The following ZEB1 variants were observed in gnomAD, a reference collection of about 807,000 sequenced individuals.
ZEB1 encodes zinc finger E-box-binding homeobox 1.
A neutral mutation model predicts 84.9 loss-of-function variants in ZEB1; 21 were observed. The ratio of observed to expected loss-of-function variants is 0.25; its 90% CI spans 0.18 to 0.36. ZEB1 has a LOEUF of 0.36. ZEB1 is among the 10% of genes least tolerant of loss of function. The pLI, the probability that ZEB1 is intolerant of heterozygous loss-of-function variation, is 1.00. For missense variants in ZEB1, 1,104 were observed against 1,330.2 expected (o/e 0.83, Z 2.65); for synonymous variants, 420 against 471.1 (o/e 0.89, Z 1.41).
chr10:31,486,360 A>ACTTTCT (rs1193963477), intron 2 of ZEB1, among the ~76,000 whole-genome samples: 7 of 151,850 alleles, frequency 4.6e-5, no homozygotes, highest in Admixed American at 2.0e-4. Context: ...GAGATGATCC[A>ACTTTCT]CTTTCTCTAC....
At chr10:31,435,916 A>G (rs2058244169) in intron 1 of ZEB1, among the ~76,000 whole-genome samples, 2 of 152,186 alleles carry the variant, frequency 1.3e-5, no homozygotes, top group South Asian at 4.1e-4. Flanking sequence ...GGCGGAAGCA[A>G]ACTAGTGGCA....
In ZEB1 at chr10:31,417,454, GC is replaced by G. The variant is rs559947421; in HGVS notation, c.59-43582del. Among the ~76,000 whole-genome samples the G allele has an allele frequency of 5.0e-4, 76 of 152,178 alleles. 2 individuals carry two copies. In the East Asian group the frequency reaches 0.014, roughly 28 times the overall value. On this transcript the variant is annotated intron_variant, in intron 1 of 8. Coordinates refer to ENST00000424869, the MANE Select transcript of ZEB1 (RefSeq NM_001174096.2). Reference sequence around the variant, plus strand: ...ATCCTGAGAGTATCTAGAGGAAATTGCGTATTCTGGTTAATGAGTGGCTTAT... The same window carrying G: ...ATCCTGAGAGTATCTAGAGGAAATTGGTATTCTGGTTAATGAGTGGCTTAT...
In ZEB1 at chr10:31,523,196, G is replaced by A. The variant is rs112971368; in HGVS notation, c.2605-737G>A. Among the ~76,000 whole-genome samples the A allele has an allele frequency of 1.2e-3, 186 of 152,316 alleles. 1 individual carries two copies. The highest frequency in any genetic ancestry group is 4.1e-3 in the African/African-American group (170 of 41,588). Reference sequence around the variant, plus strand: ...CTCTAGATAAGGTAGGAAGATCTTAGGGGACCCAGTTCCACAACAGGCTCC... The same window carrying A: ...CTCTAGATAAGGTAGGAAGATCTTAAGGGACCCAGTTCCACAACAGGCTCC... On this transcript the variant is annotated intron_variant, in intron 7 of 8. Transcript: ENST00000424869.
At chr10:31,469,801 T>C (rs2062953390) in intron 2 of ZEB1, among the ~76,000 whole-genome samples, 1 of 152,182 alleles carries the variant, frequency 6.6e-6, no homozygotes, top group Non-Finnish European at 1.5e-5. Context: ...CTCTGCAGAC[T>C]TAAATGTCCC....
chr10:31,428,178 T>C (rs1321352319), intron 1 of ZEB1, among the ~76,000 whole-genome samples: 1 of 152,214 alleles, frequency 6.6e-6, no homozygotes, highest in East Asian at 1.9e-4. Context: ...ACTCGAGATC[T>C]ATCTTTTCGA....
intron 2 of ZEB1, among the ~76,000 whole-genome samples, chr10:31,462,662 G>T (rs541453949): frequency 6.6e-6 from 1 of 152,250 alleles, no homozygotes; most frequent in East Asian, 1.9e-4. Context: ...TGAGATCAGA[G>T]AAGTAAACAA....
At chr10:31,364,666 C>T (rs1441996547) in intron 1 of ZEB1, among the ~76,000 whole-genome samples, 1 of 152,208 alleles carries the variant, frequency 6.6e-6, no homozygotes, top group Non-Finnish European at 1.5e-5. Flanking sequence ...ACATGCCTCC[C>T]TGGCAGGCAG....
chr10:31,523,230 T>C (rs1413953662), intron 7 of ZEB1, among the ~76,000 whole-genome samples: 1 of 152,168 alleles, frequency 6.6e-6, no homozygotes, highest in Non-Finnish European at 1.5e-5. Flanking sequence ...CCCTGCAGGG[T>C]TATTTGGCTT....
intron 2 of ZEB1, among the ~76,000 whole-genome samples, chr10:31,489,835 G>GTC (rs1402808646): frequency 5.3e-5 from 8 of 151,154 alleles, no homozygotes; most frequent in Non-Finnish European, 1.0e-4. Flanking sequence ...CATTCCAAGT[G>GTC]TCCCTCATTT....
intron 1 of ZEB1, among the ~76,000 whole-genome samples, chr10:31,385,988 A>G (rs1257772122): frequency 1.3e-5 from 2 of 152,188 alleles, no homozygotes; most frequent in Non-Finnish European, 2.9e-5. Context: ...ATACGAAAAT[A>G]CATAAGGAAA....
At chr10:31,517,176 T>C (rs2071301944) in intron 6 of ZEB1, among the ~76,000 whole-genome samples, 1 of 152,016 alleles carries the variant, frequency 6.6e-6, no homozygotes, top group African/African-American at 2.4e-5. Context: ...TAACTTTCTT[T>C]TCACATGACT....
chr10:31,343,412 C>T (rs183722517), intron 1 of ZEB1, among the ~76,000 whole-genome samples: 1 of 152,106 alleles, frequency 6.6e-6, no homozygotes, highest in East Asian at 1.9e-4. Flanking sequence ...TATAAAAATC[C>T]AGCAATCCAT....
At chr10:31,335,873 T>G (rs906362562) in intron 1 of ZEB1, among the ~76,000 whole-genome samples, 1 of 152,204 alleles carries the variant, frequency 6.6e-6, no homozygotes, top group Non-Finnish European at 1.5e-5. Context: ...CACAGATGAA[T>G]TACTCAAAGT....
intron 2 of ZEB1, among the ~76,000 whole-genome samples, chr10:31,462,823 C>T (rs2061966546): frequency 1.3e-5 from 2 of 152,034 alleles, no homozygotes; most frequent in Non-Finnish European, 2.9e-5. Flanking sequence ...GAGGTAGTGT[C>T]TTCAACGAGA....
intron 1 of ZEB1, among the ~76,000 whole-genome samples, chr10:31,412,981 C>T (rs1354687632): frequency 6.6e-6 from 1 of 152,100 alleles, no homozygotes; most frequent in African/African-American, 2.4e-5. Flanking sequence ...TTTAAAGACT[C>T]ATATATTTAG....
At chr10:31,473,050 G>C (rs1260034969) in intron 2 of ZEB1, among the ~76,000 whole-genome samples, 1 of 144,946 alleles carries the variant, frequency 6.9e-6, no homozygotes, top group Non-Finnish European at 1.5e-5. Flanking sequence ...GTATTGATGG[G>C]ACGTATTTCA....
At chr10:31,368,759 C>T (rs1001944400) in intron 1 of ZEB1, among the ~76,000 whole-genome samples, 1 of 151,990 alleles carries the variant, frequency 6.6e-6, no homozygotes, top group African/African-American at 2.4e-5. Context: ...ATTTTGTTCC[C>T]TTTTAGTTCA....
intron 1 of ZEB1, among the ~76,000 whole-genome samples, chr10:31,456,364 C>A (rs1248578163): frequency 1.3e-5 from 2 of 152,066 alleles, no homozygotes; most frequent in African/African-American, 4.8e-5. Context: ...ATGTAACCTG[C>A]ACGTTCTGCG....
rs75179948 is a variant in ZEB1 at position 31,435,909 on chromosome 10, G to A, written c.59-25128G>A. The stretch of plus-strand genomic sequence containing the variant: ...AGTCCTGAGGAGGAAGTTTACAGGC[G>A]GAAGCAAACTAGTGGCATTGGTGCC... On this transcript the variant is annotated intron_variant, in intron 1 of 8. Coordinates refer to ENST00000424869, the MANE Select transcript of ZEB1 (RefSeq NM_001174096.2). Among the ~76,000 whole-genome samples, 847 of 152,242 alleles carry A rather than the reference G, an allele frequency of 5.6e-3. 13 individuals carry two copies. The highest frequency in any genetic ancestry group is 0.02 in the African/African-American group (811 of 41,554).
Sources: allele counts gnomAD v4.1 joint callset (sites outside exome capture counted in the v4.1 genomes callset), GRCh38; gene constraint gnomAD v4.1.1; transcripts MANE v1.5; gene names NCBI Gene and HGNC (gene_info 2026-07-23, HGNC 2026-07-21).